The following TAB2 variants were observed in gnomAD, a reference collection of about 807,000 sequenced individuals.
TAB2 encodes TGF-beta activated kinase 1 (MAP3K7) binding protein 2.
In TAB2, 3 loss-of-function variants were observed where a neutral mutation model predicts 65.0. That is an observed-to-expected ratio of 0.05 (90% CI 0.02 to 0.12). TAB2 has a LOEUF of 0.12. Among genes scored for constraint, TAB2 ranks in the 10% least tolerant of loss-of-function variants. TAB2 has a pLI of 1.00. For missense variants in TAB2, 623 were observed against 840.3 expected (o/e 0.74, Z 3.20); for synonymous variants, 298 against 285.1 (o/e 1.05, Z -0.46).
At chr6:149,253,936 AAGAAAG>A (rs748679369) in intron 1 of TAB2, among the ~76,000 whole-genome samples, 4,323 of 98,080 alleles carry the variant, frequency 0.044, 82 homozygotes, top group East Asian at 0.073. Context: ...GAAAGAAAGA[AAGAAAG>A]AGAAAGAAAG....
At chr6:149,349,419 C>CAA (rs369838005) in intron 1 of TAB2, among the ~76,000 whole-genome samples, 1,505 of 81,790 alleles carry the variant, frequency 0.018, 23 homozygotes, top group Middle Eastern at 0.037. Context: ...CACTCCGTCT[C>CAA]AAAAAAAAAA....
At chr6:149,292,137 G>A (rs1323356569) in intron 1 of TAB2, among the ~76,000 whole-genome samples, 2 of 152,206 alleles carry the variant, frequency 1.3e-5, no homozygotes, top group Non-Finnish European at 2.9e-5. Flanking sequence ...GCCTTCCAGA[G>A]ATGTGATCAG....
At chr6:149,308,180 C>G (rs1779102005) in intron 1 of TAB2, among the ~76,000 whole-genome samples, 1 of 152,092 alleles carries the variant, frequency 6.6e-6, no homozygotes, top group Non-Finnish European at 1.5e-5. Context: ...GGTAAGCATC[C>G]TTTGACACAC....
chr6:149,222,977 T>C (rs1777185093), intron 1 of TAB2, among the ~76,000 whole-genome samples: 1 of 152,248 alleles, frequency 6.6e-6, no homozygotes, highest in Non-Finnish European at 1.5e-5. Flanking sequence ...CATCTTTCTA[T>C]TAGATTGTGA....
intron 1 of TAB2, among the ~76,000 whole-genome samples, chr6:149,356,682 G>A (rs1780663292): frequency 6.6e-6 from 1 of 152,162 alleles, no homozygotes; most frequent in African/African-American, 2.4e-5. Flanking sequence ...TTGGGGGATA[G>A]GATGTCACAT....
chr6:149,405,348 C>A (rs1782628208), intron 6 of TAB2, among the ~76,000 whole-genome samples: 2 of 152,210 alleles, frequency 1.3e-5, no homozygotes, highest in Admixed American at 6.5e-5. Flanking sequence ...TTATGAAAAA[C>A]AGCATGCAGG....
chr6:149,407,494 A>G (rs1478057107), intron 6 of TAB2, among the ~76,000 whole-genome samples: 1 of 152,178 alleles, frequency 6.6e-6, no homozygotes, highest in African/African-American at 2.4e-5. Flanking sequence ...TTCTGTAATA[A>G]GAAAGGTCCA....
At chr6:149,321,349 A>G (rs1473591007) in intron 1 of TAB2, 2 of 152,200 alleles carry the variant, frequency 1.3e-5, no homozygotes, top group Non-Finnish European at 2.9e-5. Context: ...CTGGTCCTAA[A>G]AAATCAAGGA....
At chr6:149,330,095 C>CT (rs113491144) in intron 1 of TAB2, among the ~76,000 whole-genome samples, 18,303 of 149,160 alleles carry the variant, frequency 0.12, 1,682 homozygotes, top group East Asian at 0.51. Flanking sequence ...GAGATGGGCT[C>CT]TTTTTTTTTT....
rs143463086 is a variant in TAB2, at chr6:149,339,272, A to G, written c.-90+21257A>G. On this transcript the variant is annotated intron_variant, in intron 1 of 6. Coordinates refer to ENST00000637181, the MANE Select transcript of TAB2 (RefSeq NM_001292034.3). ...CAGCTACTTGGGAGGCTGAGGCAGG[A>G]GAATCGCTTGAAGTGGGGTTGCAGA... Among the ~76,000 whole-genome samples the G allele has an allele frequency of 6.5e-3, 994 of 152,216 alleles. 13 individuals are homozygous for G. Among genetic ancestry groups the G allele is most frequent in the African/African-American group, 0.022 (902 of 41,532 alleles).
At chr6:149,288,947 G>A (rs4895785) in intron 1 of TAB2, among the ~76,000 whole-genome samples, 33,496 of 145,632 alleles carry the variant, frequency 0.23, 3,993 homozygotes, top group East Asian at 0.44. Context: ...AACCTCCATC[G>A]CCTGGGTTCA....
At chr6:149,222,617 CA>C (rs36037987) in intron 1 of TAB2, among the ~76,000 whole-genome samples, 73,221 of 126,296 alleles carry the variant, frequency 0.58, 19,013 homozygotes, top group Middle Eastern at 0.65. Context: ...GACTCTGTCT[CA>C]AAAAAAAAAA....
At chr6:149,337,418 A>G (rs1163881644) in intron 1 of TAB2, among the ~76,000 whole-genome samples, 1 of 152,196 alleles carries the variant, frequency 6.6e-6, no homozygotes, top group East Asian at 1.9e-4. Flanking sequence ...CCCCCGATCT[A>G]GTGGAACCAA....
At chr6:149,293,617 C>T (rs1778819397) in intron 1 of TAB2, among the ~76,000 whole-genome samples, 2 of 152,156 alleles carry the variant, frequency 1.3e-5, no homozygotes, top group Admixed American at 1.3e-4. Context: ...TAGAAAAGGG[C>T]ATAAATGACA....
At chr6:149,389,267 C>T (rs531825455) in intron 3 of TAB2, among the ~76,000 whole-genome samples, 2 of 151,916 alleles carry the variant, frequency 1.3e-5, no homozygotes, top group South Asian at 2.1e-4. Context: ...GAAATCTTAC[C>T]GTTATTTTCT....
intron 1 of TAB2, among the ~76,000 whole-genome samples, chr6:149,223,823 T>C (rs1465643255): frequency 6.6e-6 from 1 of 152,112 alleles, no homozygotes; most frequent in Non-Finnish European, 1.5e-5. Context: ...AGCCATATTT[T>C]AAAAGCATCA....
intron 1 of TAB2, among the ~76,000 whole-genome samples, chr6:149,361,403 G>A (rs1347702523): frequency 6.6e-6 from 1 of 152,228 alleles, no homozygotes; most frequent in African/African-American, 2.4e-5. Flanking sequence ...AGCAGCCCGA[G>A]TTGTTCTTGG....
intron 3 of TAB2, among the ~76,000 whole-genome samples, chr6:149,392,031 T>G (rs915951603): frequency 2.0e-5 from 3 of 152,120 alleles, no homozygotes; most frequent in African/African-American, 7.2e-5. Flanking sequence ...TAATCAGAAT[T>G]TAAGTTCTCG....
intron 1 of TAB2, among the ~76,000 whole-genome samples, chr6:149,297,798 G>T (rs574746037): frequency 6.6e-6 from 1 of 152,214 alleles, no homozygotes; most frequent in Admixed American, 6.5e-5. Flanking sequence ...CTCCCAAAGC[G>T]CTGGGATTAC....
Sources: gnomAD v4.1 joint callset for allele counts (sites outside exome capture counted in the v4.1 genomes callset) on GRCh38, gnomAD v4.1.1 for gene constraint, MANE v1.5 for transcripts, NCBI Gene and HGNC (gene_info 2026-07-23, HGNC 2026-07-21) for gene names.